Variants in DERA observed in about 807,000 individuals in gnomAD.
DERA encodes the protein deoxyribose-phosphate aldolase, also known as 2-deoxy-D-ribose 5-phosphate aldolase.
A neutral mutation model predicts 41.1 loss-of-function variants in DERA; 15 were observed. The observed-to-expected ratio is 0.37, with a 90% CI of 0.24 to 0.56. The LOEUF (loss-of-function observed/expected upper bound fraction) is 0.56. Ranked by LOEUF, DERA falls within the 20% of genes least tolerant of loss-of-function variation. DERA has a pLI of 0.81. For missense variants in DERA, 396 were observed against 403.4 expected (o/e 0.98, Z 0.16); for synonymous variants, 139 against 137.4 (o/e 1.01, Z -0.08).
rs1948866403 is a variant in DERA at position 16,000,352 on chromosome 12, T to G, written c.637+17916T>G. Among the ~76,000 whole-genome samples, 1 of 152,198 alleles carries G rather than the reference T, an allele frequency of 6.6e-6. No homozygotes were observed. The highest frequency in any genetic ancestry group is 2.4e-5 in the African/African-American group (1 of 41,456). On this transcript the variant is annotated intron_variant, in intron 6 of 8. Transcript: ENST00000428559. The surrounding 1 kb of genome is among the most constrained non-coding windows in gnomAD (Gnocchi z 4.8). The stretch of plus-strand genomic sequence containing the variant: ...GTTTTTAAGGAAATCTGATGAAGGC[T>G]ATGAAGGTGAAAGAAAGGCTATTTT...
chr12:15,956,072 C>T (rs1948535881), intron 1 of DERA, among the ~76,000 whole-genome samples: 4 of 152,036 alleles, frequency 2.6e-5, no homozygotes, highest in Admixed American at 2.6e-4. Context: ...TGTTAGACAC[C>T]CAAAGATGAG....
In DERA at chr12:15,936,519, A is replaced by G. The variant is rs1430296502; in HGVS notation, c.32-20417A>G. On this transcript the variant is annotated intron_variant, in intron 1 of 8. Coordinates refer to ENST00000428559, the MANE Select transcript of DERA (RefSeq NM_015954.4). This position sits in a 1 kb window ranked among gnomAD's most constrained non-coding sequence, Gnocchi z 4.6. Reference sequence around the variant, plus strand: ...GACATAAAAAGTTTGCACTTTAAAGAAATTAATATATTTTCTTACAGTACC... The same window carrying G: ...GACATAAAAAGTTTGCACTTTAAAGGAATTAATATATTTTCTTACAGTACC... 6.6e-6 allele frequency among the ~76,000 whole-genome samples: 1 copy of G among 152,214 alleles called. No homozygotes were observed. Among genetic ancestry groups the G allele is most frequent in the East Asian group, 1.9e-4 (1 of 5,200 alleles).
chr12:15,973,518 T>G (rs1363973143), intron 5 of DERA, among the ~76,000 whole-genome samples: 1 of 152,150 alleles, frequency 6.6e-6, no homozygotes, highest in Non-Finnish European at 1.5e-5. Flanking sequence ...ATATTACATG[T>G]GAATATGTAA....
chr12:16,012,566 C>T lies in DERA; in HGVS notation c.638-19976C>T, dbSNP rs146926604. 1.0e-3 allele frequency among the ~76,000 whole-genome samples: 157 copies of T among 152,192 alleles called. 1 individual carries two copies. The highest frequency in any genetic ancestry group is 3.1e-3 in the African/African-American group (127 of 41,556). The stretch of plus-strand genomic sequence containing the variant: ...AAATATTCAAATTTGGGAGCAGAGC[C>T]GAGTTGTTTAGACAAGAGAGAATAG... On this transcript the variant is annotated intron_variant, in intron 6 of 8. Coordinates refer to ENST00000428559, the MANE Select transcript of DERA (RefSeq NM_015954.4). The surrounding 1 kb of genome is among the most constrained non-coding windows in gnomAD (Gnocchi z 4.1).
At chr12:15,920,890 C>G (rs1023182172) in intron 1 of DERA, among the ~76,000 whole-genome samples, 3 of 152,158 alleles carry the variant, frequency 2.0e-5, no homozygotes, top group African/African-American at 7.2e-5. Flanking sequence ...GGGGAGAAAG[C>G]CCATGAGTCT....
chr12:16,004,404 T>A lies in DERA; in HGVS notation c.637+21968T>A, dbSNP rs535713253. Among the ~76,000 whole-genome samples, 2 of 152,276 alleles carry A rather than the reference T, an allele frequency of 1.3e-5. No homozygotes were observed. The highest frequency in any genetic ancestry group is 4.8e-5 in the African/African-American group (2 of 41,562). On this transcript the variant is annotated intron_variant, in intron 6 of 8. Transcript: ENST00000428559. The surrounding 1 kb of genome is among the most constrained non-coding windows in gnomAD (Gnocchi z 4.2). ...AACAATTTGTTCTCCCACCAATCTT[T>A]GATTTATAAATCTAGAAGCCTCATG... is the stretch of plus-strand genomic sequence containing the variant.
chr12:15,972,833 GTTAATC>G lies in DERA; in HGVS notation c.509-9470_509-9465del, dbSNP rs1435858576. On this transcript the variant is annotated intron_variant, in intron 5 of 8. Transcript: ENST00000428559. This position sits in a 1 kb window ranked among gnomAD's most constrained non-coding sequence, Gnocchi z 4.4. The stretch of plus-strand genomic sequence containing the variant: ...CCACGATCTAGTGCTGGACTTGGAA[GTTAATC>G]TTAAATAAAGAAAACTAAAATGCTA... Among the ~76,000 whole-genome samples the G allele has an allele frequency of 6.6e-6, 1 of 152,190 alleles. No individual in the cohort carries two copies. Among genetic ancestry groups the G allele is most frequent in the Non-Finnish European group, 1.5e-5 (1 of 68,036 alleles).
intron 1 of DERA, among the ~76,000 whole-genome samples, chr12:15,930,207 G>T (rs542669097): frequency 3.3e-4 from 50 of 152,216 alleles, no homozygotes; most frequent in Admixed American, 5.9e-4. Context: ...GTGAACAGGG[G>T]TATTTGCTGA....
intron 6 of DERA, among the ~76,000 whole-genome samples, chr12:16,006,558 C>T (rs753604337): frequency 1.3e-5 from 2 of 152,226 alleles, no homozygotes; most frequent in Non-Finnish European, 2.9e-5. Context: ...AGACAGAAAC[C>T]TCATTCATTT....
rs966349378 is a variant in DERA, at chr12:15,911,723, A to G, written c.31+309A>G. On this transcript the variant is annotated intron_variant, in intron 1 of 8. Transcript: ENST00000428559. The surrounding 1 kb of genome is among the most constrained non-coding windows in gnomAD (Gnocchi z 4.5). ...GTTGGAAAACCCAACAACCCAAAAA[A>G]CAAAACCCAAAACAAACAACCCCCA... is the stretch of plus-strand genomic sequence containing the variant. 10 of 639,076 alleles carry G rather than the reference A, an allele frequency of 1.6e-5. No individual in the cohort carries two copies. The highest frequency in any genetic ancestry group is 2.6e-5 in the Non-Finnish European group (9 of 345,094). The allele number at this position is 639,076 out of a possible 1,614,324, so 39.6% of individuals were successfully genotyped here.
rs1487963076 is a variant in DERA at position 16,017,282 on chromosome 12, C to T, written c.638-15260C>T. Among the ~76,000 whole-genome samples, 3 of 152,190 alleles carry T rather than the reference C, an allele frequency of 2.0e-5. No homozygotes were observed. The highest frequency in any genetic ancestry group is 2.9e-5 in the Non-Finnish European group (2 of 68,042). On this transcript the variant is annotated intron_variant, in intron 6 of 8. Coordinates refer to ENST00000428559, the MANE Select transcript of DERA (RefSeq NM_015954.4). This position sits in a 1 kb window ranked among gnomAD's most constrained non-coding sequence, Gnocchi z 5.5. Reference sequence around the variant, plus strand: ...CATTATGCTTAAACAAGCATCATTGCTTAGTTATCGTGTTCTATTGCATTG... The same window carrying T: ...CATTATGCTTAAACAAGCATCATTGTTTAGTTATCGTGTTCTATTGCATTG...
At position 16,026,774 on chromosome 12, in the gene DERA, G is replaced by A. The variant is rs371914043; in HGVS notation, c.638-5768G>A. Among the ~76,000 whole-genome samples, 10 of 151,884 alleles carry A rather than the reference G, an allele frequency of 6.6e-5. No individual in the cohort carries two copies. The highest frequency in any genetic ancestry group is 2.2e-4 in the African/African-American group (9 of 41,360). ...ATACCAGTCTTCTACAATCTCTTCC[G>A]GAAAATAGAAGAGAGAACACTCATT... On this transcript the variant is annotated intron_variant, in intron 6 of 8. Coordinates refer to ENST00000428559, the MANE Select transcript of DERA (RefSeq NM_015954.4). This position sits in a 1 kb window ranked among gnomAD's most constrained non-coding sequence, Gnocchi z 4.4.
intron 6 of DERA, among the ~76,000 whole-genome samples, chr12:16,006,094 C>T (rs1459761705): frequency 6.6e-6 from 1 of 152,196 alleles, no homozygotes. Context: ...TGTGGCCTTA[C>T]TTGTGGAAAA....
Position 15,963,141 on chromosome 12 carries a change from A to G in DERA, c.508+194A>G, listed in dbSNP as rs896569584. ...CATAAATCTAGGCAGTTGCCTACCT[A>G]CATGAACTTTTCAGATCCTTTTGAG... On this transcript the variant is annotated intron_variant, in intron 5 of 8. Transcript: ENST00000428559. 2.1e-4 allele frequency among the ~76,000 whole-genome samples: 32 copies of G among 152,224 alleles called. 1 individual carries two copies. Among genetic ancestry groups the G allele is most frequent in the Admixed American group, 1.3e-4 (2 of 15,278 alleles).
At position 16,036,967 on chromosome 12, in the gene DERA, C is replaced by T. The variant is rs1949133772; in HGVS notation, c.*221C>T. On this transcript the variant is annotated 3_prime_UTR_variant, in exon 9 of 9. Transcript: ENST00000428559. This position sits in a 1 kb window ranked among gnomAD's most constrained non-coding sequence, Gnocchi z 4.9. Reference sequence around the variant, plus strand: ...ATGATCTTAATTACTAGAAGATCTGCACTATTAACTTTGTGAAGAGTTTCT... The same window carrying T: ...ATGATCTTAATTACTAGAAGATCTGTACTATTAACTTTGTGAAGAGTTTCT... 2 of 480,038 alleles carry T rather than the reference C, an allele frequency of 4.2e-6. No homozygotes were observed. Among genetic ancestry groups the T allele is most frequent in the Non-Finnish European group, 7.3e-6 (2 of 274,946 alleles). The allele number at this position is 480,038 out of a possible 1,614,324, so 29.7% of individuals were successfully genotyped here. A position where few individuals can be genotyped will look rare whatever the true frequency, so the allele number is the denominator to read the frequency against.
At chr12:15,952,142 G>A (rs950192418) in intron 1 of DERA, among the ~76,000 whole-genome samples, 12 of 152,150 alleles carry the variant, frequency 7.9e-5, no homozygotes, top group Admixed American at 3.9e-4. Context: ...CTCGTGATCC[G>A]CCTGCCTCGG....
chr12:15,937,193 C>T lies in DERA; in HGVS notation c.32-19743C>T, dbSNP rs182039065. On this transcript the variant is annotated intron_variant, in intron 1 of 8. Transcript: ENST00000428559. ...CTGATCTCCAACTCCTGGGCTCTAG[C>T]GATCTTCCCATCTTGGCTTTCCAAA... is the stretch of plus-strand genomic sequence containing the variant. 1.9e-4 allele frequency among the ~76,000 whole-genome samples: 29 copies of T among 152,196 alleles called. 1 individual carries two copies. The highest frequency in any genetic ancestry group is 5.2e-4 in the Admixed American group (8 of 15,284).
chr12:15,926,165 C>G (rs1948281557), intron 1 of DERA, among the ~76,000 whole-genome samples: 1 of 151,932 alleles, frequency 6.6e-6, no homozygotes, highest in Admixed American at 6.6e-5. Flanking sequence ...GATCAAGTGG[C>G]CAGTACTGCT....
rs1387807228 is a variant in DERA at position 15,970,642 on chromosome 12, A to C, written c.508+7695A>C. ...TGAAAATAATGTTAAGAATGAGCTC[A>C]TTAAAAAAGAAAACTGAAAAAAAAC... On this transcript the variant is annotated intron_variant, in intron 5 of 8. Transcript: ENST00000428559. The surrounding 1 kb of genome is among the most constrained non-coding windows in gnomAD (Gnocchi z 4.3). Among the ~76,000 whole-genome samples the C allele has an allele frequency of 1.3e-5, 2 of 152,132 alleles. No homozygotes were observed. Among genetic ancestry groups the C allele is most frequent in the African/African-American group, 4.8e-5 (2 of 41,414 alleles).
Sources: gnomAD v4.1 joint callset for allele counts (sites outside exome capture counted in the v4.1 genomes callset) on GRCh38, gnomAD v4.1.1 for gene constraint, Gnocchi (gnomAD v3.1) non-coding constraint, MANE v1.5 for transcripts, NCBI Gene and HGNC (gene_info 2026-07-23, HGNC 2026-07-21) for gene names.